STK35: variants seen among roughly 807,000 people sequenced by gnomAD.
The protein encoded by STK35 is serine/threonine kinase 35.
Under a neutral mutation model 37.3 loss-of-function variants are expected in STK35, and 17 were observed. That is an observed-to-expected ratio of 0.46 (90% confidence interval 0.31 to 0.68). The LOEUF is 0.68. STK35 is among the 30% of genes least tolerant of loss of function. STK35 has a pLI of 0.05. For synonymous variants in STK35, 385 were observed against 319.1 expected (o/e 1.21, Z -2.20); for missense variants, 595 against 746.7 (o/e 0.80, Z 2.37).
intron 3 of STK35, among the ~76,000 whole-genome samples, chr20:2,125,500 C>T (rs1985889284): frequency 6.6e-6 from 1 of 152,220 alleles, no homozygotes; most frequent in African/African-American, 2.4e-5. Context: ...CTGCTCCGTT[C>T]TGCATTCTAC....
intron 3 of STK35, 45 bp from the exon 4 acceptor site, chr20:2,143,739 G>A: frequency 2.9e-6 from 1 of 347,732 alleles, no homozygotes; most frequent in South Asian, 2.2e-5. Flanking sequence ...TGGTGCCCAG[G>A]CCTGCTGACC....
Position 2,102,063 on chromosome 20 carries a change from C to T in STK35, c.182C>T (p.Ala61Val). 6.6e-7 allele frequency: 1 copy of T among 1,522,642 alleles called. No homozygotes were observed. The highest frequency in any genetic ancestry group is 8.8e-7 in the Non-Finnish European group (1 of 1,139,916). The allele number at this position is 1,522,642 out of a possible 1,614,324, so 94.3% of individuals were successfully genotyped here. Residue 61 changes from alanine (A) to valine (V), a missense_variant, in exon 1 of 4, where the codon GCC (alanine) becomes GTC (valine). Ala to Val is a moderately conservative substitution (Grantham distance 64). Transcript: ENST00000381482. The part of the protein sequence containing the change: ...EGSATRRARA[A>V]TSRAARSRRQ... ...TCCGCTACACGCCGGGCTCGGGCCGCCACCTCCCGCGCTGCTCGGTCCCGG... is the reference window on the plus strand; with the variant it reads ...TCCGCTACACGCCGGGCTCGGGCCGTCACCTCCCGCGCTGCTCGGTCCCGG...
intron 2 of STK35, among the ~76,000 whole-genome samples, chr20:2,106,670 G>A (rs1287670636): frequency 1.3e-5 from 2 of 152,204 alleles, no homozygotes; most frequent in Non-Finnish European, 2.9e-5. Flanking sequence ...AAGGGAGTCC[G>A]TTTCACTATT....
Position 2,116,925 on chromosome 20 carries a change from A to C in STK35, c.1152A>C (p.Leu384=), listed in dbSNP as rs1354050384. Residue 384 remains leucine (L), a synonymous_variant, in exon 3 of 4, where the codon CTA becomes CTC. Coordinates refer to ENST00000381482, the MANE Select transcript of STK35 (RefSeq NM_080836.4). ...TCCTCAAAGTGGCCGACTTTGGACT[A>C]AGCAAGGTCTGTGCTGGGCTGGCAC... ...TPILKVADFG[L]SKVCAGLAPR... is the part of the protein sequence containing the mutation. 1.2e-6 allele frequency: 2 copies of C among 1,614,158 alleles called. No homozygotes were observed. The highest frequency in any genetic ancestry group is 2.2e-5 in the South Asian group (2 of 91,080).
chr20:2,116,853 C>A lies in STK35; in HGVS notation c.1080C>A (p.Asp360Glu). The A allele has an allele frequency of 6.2e-7, 1 of 1,614,172 alleles. No individual in the cohort carries two copies. The highest frequency in any genetic ancestry group is 8.5e-7 in the Non-Finnish European group (1 of 1,180,030). Reference sequence around the variant, plus strand: ...ACAAAAACCATATTGTGCACAGGGACCTGAAGCCAGACAACATCCTCATCA... The same window carrying A: ...ACAAAAACCATATTGTGCACAGGGAACTGAAGCCAGACAACATCCTCATCA... ...FLHKNHIVHR[D>E]LKPDNILITE... is the part of the protein sequence containing the mutation. The change falls in exon 3 of 4, where the codon GAC (aspartate) becomes GAA (glutamate). Residue 360 changes from aspartate to glutamate, a missense_variant. Around this residue, in one of 3 missense-constraint regions of STK35, gnomAD observed 109 missense variants for 280.3 expected, o/e 0.39. Coordinates refer to ENST00000381482, the MANE Select transcript of STK35 (RefSeq NM_080836.4).
At chr20:2,119,948 A>G (rs952454062) in intron 3 of STK35, among the ~76,000 whole-genome samples, 3 of 152,128 alleles carry the variant, frequency 2.0e-5, no homozygotes, top group Non-Finnish European at 1.5e-5. Flanking sequence ...TCATTCTACA[A>G]ACGTGTGTTC....
At chr20:2,138,123 A>G (rs1600621642) in intron 3 of STK35, among the ~76,000 whole-genome samples, 1 of 152,216 alleles carries the variant, frequency 6.6e-6, no homozygotes, top group Non-Finnish European at 1.5e-5. Flanking sequence ...TGATAATGCC[A>G]CTACACAGGA....
chr20:2,141,425 A>T (rs1416354751), intron 3 of STK35, among the ~76,000 whole-genome samples: 1 of 152,152 alleles, frequency 6.6e-6, no homozygotes, highest in Middle Eastern at 3.2e-3. Flanking sequence ...CCTGGGCAGT[A>T]GAGCAGGGAG....
intron 3 of STK35, among the ~76,000 whole-genome samples, chr20:2,131,163 C>T (rs559139800): frequency 1.3e-5 from 2 of 152,276 alleles, no homozygotes; most frequent in Admixed American, 1.3e-4. Context: ...TCCTATACAC[C>T]TAGGTTATAT....
intron 3 of STK35, among the ~76,000 whole-genome samples, chr20:2,124,971 C>T (rs549289170): frequency 5.9e-5 from 9 of 152,174 alleles, no homozygotes; most frequent in Non-Finnish European, 1.2e-4. Context: ...GTAATGGGGC[C>T]GATGGCCCCC....
intron 3 of STK35, among the ~76,000 whole-genome samples, chr20:2,141,569 C>G (rs1243356314): frequency 6.6e-6 from 1 of 152,190 alleles, no homozygotes; most frequent in Non-Finnish European, 1.5e-5. Flanking sequence ...TTAAAGTACC[C>G]TATTTTTCCT....
At chr20:2,112,548 G>T (rs73892023) in intron 2 of STK35, among the ~76,000 whole-genome samples, 1 of 152,146 alleles carries the variant, frequency 6.6e-6, no homozygotes, top group Non-Finnish European at 1.5e-5. Flanking sequence ...GCATGGTCTG[G>T]GGGGAGGACT....
chr20:2,134,557 C>T (rs1986053629), intron 3 of STK35, among the ~76,000 whole-genome samples: 1 of 152,158 alleles, frequency 6.6e-6, no homozygotes, highest in Non-Finnish European at 1.5e-5. Context: ...GTGCCATGTT[C>T]CTTTCTCAGA....
chr20:2,117,936 T>C lies in STK35; in HGVS notation c.*37+521T>C, dbSNP rs554760154. On this transcript the variant is annotated intron_variant, in intron 3 of 3. Coordinates refer to ENST00000381482, the MANE Select transcript of STK35 (RefSeq NM_080836.4). This position sits in a 1 kb window ranked among gnomAD's most constrained non-coding sequence, Gnocchi z 4.4. ...CACGTTGGAAAGTCTAGAGAAGTCT[T>C]CTCAGAGGAGGTTGCGTTTAAGCCG... Among the ~76,000 whole-genome samples the C allele has an allele frequency of 6.6e-6, 1 of 152,332 alleles. No individual in the cohort carries two copies. The highest frequency in any genetic ancestry group is 1.9e-4 in the East Asian group (1 of 5,190).
intron 2 of STK35, 130 bp from the exon 3 acceptor site, chr20:2,116,536 A>T: frequency 1.0e-6 from 1 of 998,480 alleles, no homozygotes; most frequent in Non-Finnish European, 1.5e-6. Flanking sequence ...ACTCAGTGCC[A>T]GTTGTGCAGG....
chr20:2,104,388 A>G (rs899536005), intron 2 of STK35, among the ~76,000 whole-genome samples: 4 of 152,208 alleles, frequency 2.6e-5, no homozygotes, highest in East Asian at 1.9e-4. Context: ...AGTAAATTCT[A>G]TCCTTTTTCT....
In STK35 at chr20:2,143,786, C is replaced by T. The variant is rs1986208048; in HGVS notation, c.*40C>T. 2.6e-6 allele frequency: 1 copy of T among 388,656 alleles called. No homozygotes were observed. 24.1% of individuals were successfully genotyped at this position (388,656 alleles called of 1,614,324 possible). A position where few individuals can be genotyped will look rare whatever the true frequency, so the allele number is the denominator to read the frequency against. ...CTTACCCGCCTTCTGTCTTCCAGGT[C>T]GATTCCTCGGGACCCACAGTCTCAC... On this transcript the variant is annotated splice_region_variant and 3_prime_UTR_variant, in exon 4 of 4. Transcript: ENST00000381482.
intron 3 of STK35, among the ~76,000 whole-genome samples, chr20:2,127,271 C>CT (rs1337165764): frequency 6.7e-6 from 1 of 149,784 alleles, no homozygotes; most frequent in Non-Finnish European, 1.5e-5. Flanking sequence ...TTTTTTTCTA[C>CT]TTTTTTTGGA....
At chr20:2,103,683 G>C (rs1985455362) in intron 2 of STK35, among the ~76,000 whole-genome samples, 3 of 152,198 alleles carry the variant, frequency 2.0e-5, no homozygotes. Flanking sequence ...GGTTGGGGGA[G>C]TGGAGGAGGG....
Sources: gnomAD v4.1 joint callset for allele counts (sites outside exome capture counted in the v4.1 genomes callset) on GRCh38, gnomAD v4.1.1 for gene constraint, gnomAD v4.1.1 regional missense constraint, Gnocchi (gnomAD v3.1) non-coding constraint, MANE v1.5 for transcripts, NCBI Gene and HGNC (gene_info 2026-07-23, HGNC 2026-07-21) for gene names.